Variants in BARD1 observed in about 807,000 individuals in gnomAD.
The protein encoded by BARD1 is BRCA1-associated RING domain protein 1.
A neutral mutation model predicts 77.0 loss-of-function variants in BARD1; 73 were observed. The observed-to-expected ratio is 0.95, with a 90% CI of 0.79 to 1.15. The LOEUF is 1.15. Ranked by LOEUF, BARD1 falls within the 50% of genes most tolerant of loss-of-function variation. The probability of loss-of-function intolerance (pLI) is 0.00; values close to 1 mark genes in which losing one functional copy is unlikely to be tolerated. For missense variants in BARD1, 993 were observed against 938.8 expected (o/e 1.06, Z -0.75); for synonymous variants, 384 against 338.0 (o/e 1.14, Z -1.49).
At chr2:214,753,762 T>C (rs1318460401) in intron 6 of BARD1, among the ~76,000 whole-genome samples, 2 of 152,122 alleles carry the variant, frequency 1.3e-5, no homozygotes, top group South Asian at 2.1e-4. Context: ...AGAAAGCTAA[T>C]GTATTAGAAT....
At chr2:214,746,781 G>C (rs1323592434) in intron 7 of BARD1, among the ~76,000 whole-genome samples, 2 of 152,156 alleles carry the variant, frequency 1.3e-5, no homozygotes, top group Non-Finnish European at 2.9e-5. Context: ...ATACCATTCA[G>C]GACATAGGCA....
At chr2:214,755,844 T>C (rs1693669863) in intron 6 of BARD1, among the ~76,000 whole-genome samples, 1 of 152,198 alleles carries the variant, frequency 6.6e-6, no homozygotes, top group Non-Finnish European at 1.5e-5. Context: ...GTCTACTAGC[T>C]AAATGACATG....
intron 7 of BARD1, among the ~76,000 whole-genome samples, chr2:214,747,889 TA>T (rs1693210914): frequency 6.6e-6 from 1 of 151,022 alleles, no homozygotes; most frequent in Non-Finnish European, 1.5e-5. Context: ...AAATAAAAAA[TA>T]AAAAAATTAA....
chr2:214,750,708 A>C (rs759195891), intron 7 of BARD1, among the ~76,000 whole-genome samples: 13 of 152,166 alleles, frequency 8.5e-5, no homozygotes, highest in Non-Finnish European at 1.6e-4. Context: ...AATAAGACAC[A>C]GGGGAAGTCC....
At chr2:214,763,126 TGAA>T (rs1254527473) in intron 6 of BARD1, among the ~76,000 whole-genome samples, 2 of 152,184 alleles carry the variant, frequency 1.3e-5, no homozygotes, top group African/African-American at 4.8e-5. Context: ...CTAGAATGAA[TGAA>T]GAAGCAGTCT....
intron 6 of BARD1, among the ~76,000 whole-genome samples, chr2:214,764,718 T>C (rs1432851779): frequency 6.6e-6 from 1 of 152,292 alleles, no homozygotes; most frequent in South Asian, 2.1e-4. Context: ...GCCAGACTCG[T>C]GTTCTTCTGC....
At chr2:214,769,865 T>C (rs765988927) in intron 4 of BARD1, among the ~76,000 whole-genome samples, 3 of 152,348 alleles carry the variant, frequency 2.0e-5, no homozygotes, top group Non-Finnish European at 4.4e-5. Context: ...TCATTTCAGG[T>C]ACCAAATAAA....
At chr2:214,773,338 G>T (rs181655647) in intron 4 of BARD1, among the ~76,000 whole-genome samples, 1 of 152,168 alleles carries the variant, frequency 6.6e-6, no homozygotes, top group African/African-American at 2.4e-5. Flanking sequence ...TAAATGAACC[G>T]ACCAGGAACC....
chr2:214,772,589 G>A (rs545166122), intron 4 of BARD1, among the ~76,000 whole-genome samples: 24 of 152,308 alleles, frequency 1.6e-4, no homozygotes, highest in Non-Finnish European at 2.9e-4. Flanking sequence ...TTGTTAGACA[G>A]TTGCTATTTT....
chr2:214,725,680 A>T lies in BARD1; in HGVS notation c.*2996T>A, dbSNP rs1367557702. The stretch of plus-strand genomic sequence containing the variant: ...AATATTTATTTATTCATTCAGTTTG[A>T]TGTGCGTATCTTTGAAAAGGGTTGA... On this transcript the variant is annotated 3_prime_UTR_variant, in exon 11 of 11. Coordinates refer to ENST00000260947, the MANE Select transcript of BARD1 (RefSeq NM_000465.4). 2 of 217,684 alleles carry T rather than the reference A, an allele frequency of 9.2e-6. No homozygotes were observed. Among genetic ancestry groups the T allele is most frequent in the Non-Finnish European group, 1.8e-5 (2 of 108,300 alleles). The allele number at this position is 217,684 out of a possible 1,614,324, so 13.5% of individuals were successfully genotyped here.
At chr2:214,796,010 T>C (rs1695739689) in intron 2 of BARD1, among the ~76,000 whole-genome samples, 1 of 152,172 alleles carries the variant, frequency 6.6e-6, no homozygotes, top group South Asian at 2.1e-4. Flanking sequence ...CCTTAGCCCT[T>C]GAAGTAATAC....
At chr2:214,801,619 C>T (rs1429094521) in intron 1 of BARD1, among the ~76,000 whole-genome samples, 1 of 152,182 alleles carries the variant, frequency 6.6e-6, no homozygotes, top group Non-Finnish European at 1.5e-5. Flanking sequence ...CTATGTCCAT[C>T]TCTTGGATTT....
chr2:214,781,733 A>C (rs1695050045), intron 3 of BARD1, among the ~76,000 whole-genome samples: 2 of 152,198 alleles, frequency 1.3e-5, no homozygotes, highest in South Asian at 4.1e-4. Context: ...GATATAGCAG[A>C]GAACAAAACA....
intron 9 of BARD1, among the ~76,000 whole-genome samples, chr2:214,743,942 G>C (rs1312571872): frequency 6.6e-6 from 1 of 152,064 alleles, no homozygotes; most frequent in Non-Finnish European, 1.5e-5. Flanking sequence ...CTAACATCAA[G>C]ATACGCAACT....
intron 7 of BARD1, among the ~76,000 whole-genome samples, chr2:214,748,256 A>T (rs1406572706): frequency 1.3e-5 from 2 of 152,174 alleles, no homozygotes; most frequent in Non-Finnish European, 2.9e-5. Context: ...AATAAAACAT[A>T]AAGCAAACAG....
intron 9 of BARD1, among the ~76,000 whole-genome samples, chr2:214,737,162 G>A (rs1017122695): frequency 6.6e-6 from 1 of 152,086 alleles, no homozygotes; most frequent in Non-Finnish European, 1.5e-5. Context: ...AATGTGTGAA[G>A]AACCTGGTGT....
In BARD1 at chr2:214,726,888, T is replaced by G. The variant is rs762378105; in HGVS notation, c.*1788A>C. 5.3e-5 allele frequency: 12 copies of G among 228,502 alleles called. No individual in the cohort carries two copies. Among genetic ancestry groups the G allele is most frequent in the Middle Eastern group, 2.6e-3 (2 of 756 alleles). 14.2% of individuals were successfully genotyped at this position (228,502 alleles called of 1,614,324 possible). A position where few individuals can be genotyped will look rare whatever the true frequency, so the allele number is the denominator to read the frequency against. On this transcript the variant is annotated 3_prime_UTR_variant, in exon 11 of 11. Coordinates refer to ENST00000260947, the MANE Select transcript of BARD1 (RefSeq NM_000465.4). The stretch of plus-strand genomic sequence containing the variant: ...GAATGACAAAAACTAAGAGACCTCA[T>G]AGGTGTCTTTACAATCAGGAATTCA...
In BARD1 at chr2:214,730,518, A is replaced by C. The variant is rs768259863; in HGVS notation, c.1904-10T>G. ...AGACATGCTTTTACCCCTGACAAAA[A>C]CACAAGAATTAAAGCAAACTAAGTA... On this transcript the variant is annotated splice_polypyrimidine_tract_variant and intron_variant, in intron 9 of 10. Coordinates refer to ENST00000260947, the MANE Select transcript of BARD1 (RefSeq NM_000465.4). The C allele has an allele frequency of 1.9e-6, 3 of 1,608,322 alleles. No individual in the cohort carries two copies. The highest frequency in any genetic ancestry group is 2.6e-6 in the Non-Finnish European group (3 of 1,174,970).
intron 9 of BARD1, among the ~76,000 whole-genome samples, chr2:214,734,258 TAC>T (rs1292555647): frequency 3.9e-5 from 6 of 152,082 alleles, no homozygotes; most frequent in Non-Finnish European, 8.8e-5. Context: ...CAGGAAATAA[TAC>T]ACAGCCAGAG....
Sources: allele counts gnomAD v4.1 joint callset (sites outside exome capture counted in the v4.1 genomes callset), GRCh38; gene constraint gnomAD v4.1.1; transcripts MANE v1.5; gene names NCBI Gene and HGNC (gene_info 2026-07-23, HGNC 2026-07-21).